The following RNLS variants were observed in gnomAD, a reference collection of about 807,000 sequenced individuals.
RNLS encodes the protein renalase, FAD dependent amine oxidase.
A neutral mutation model predicts 39.8 loss-of-function variants in RNLS; 39 were observed. That is an observed-to-expected ratio of 0.98 (90% CI 0.76 to 1.28). RNLS has a LOEUF of 1.28. Ranked by LOEUF, RNLS falls within the 50% of genes most tolerant of loss-of-function variation. The pLI, the probability that RNLS is intolerant of heterozygous loss-of-function variation, is 0.00. For synonymous variants in RNLS, 147 were observed against 150.7 expected (o/e 0.98, Z 0.18); for missense variants, 410 against 413.3 (o/e 0.99, Z 0.07).
At chr10:88,384,617 T>C (rs1851754096) in intron 4 of RNLS, among the ~76,000 whole-genome samples, 1 of 152,216 alleles carries the variant, frequency 6.6e-6, no homozygotes, top group African/African-American at 2.4e-5. Flanking sequence ...GATTAATTAC[T>C]ATATAGAAAG....
At chr10:88,235,899 G>A in the RNLS span, among the ~76,000 whole-genome samples, 4 of 151,486 alleles carry the variant, frequency 2.6e-5, no homozygotes, top group Admixed American at 6.6e-5. Context: ...TGGTGCTATC[G>A]CTGCTTACTC....
chr10:88,480,787 TTGTGTGTGTG>T (rs60584908), intron 4 of RNLS, among the ~76,000 whole-genome samples: 2 of 147,540 alleles, frequency 1.4e-5, no homozygotes, highest in African/African-American at 2.5e-5. Context: ...TCCTGTGTCT[TTGTGTGTGTG>T]TGTGTGTGTG....
At chr10:88,453,462 A>G (rs1842463375) in intron 4 of RNLS, among the ~76,000 whole-genome samples, 1 of 152,180 alleles carries the variant, frequency 6.6e-6, no homozygotes, top group African/African-American at 2.4e-5. Context: ...GGATCATCAG[A>G]GACTTTGTTG....
intron 4 of RNLS, among the ~76,000 whole-genome samples, chr10:88,499,333 TAA>T (rs1845340485): frequency 6.6e-6 from 1 of 152,152 alleles, no homozygotes; most frequent in African/African-American, 2.4e-5. Flanking sequence ...TAGAAGGCTT[TAA>T]AGCAGAATTT....
At chr10:88,572,738 T>C (rs1308126729) in intron 4 of RNLS, among the ~76,000 whole-genome samples, 165 bp downstream of exon 4, 3 of 152,260 alleles carry the variant, frequency 2.0e-5, no homozygotes, top group Non-Finnish European at 2.9e-5. Flanking sequence ...GGTTTCACCT[T>C]GGCCTAGATT....
intron 4 of RNLS, among the ~76,000 whole-genome samples, chr10:88,403,105 C>T (rs1015634022): frequency 6.6e-6 from 1 of 151,782 alleles, no homozygotes; most frequent in Non-Finnish European, 1.5e-5. Flanking sequence ...AAATGCAGAC[C>T]ACAGAAACCA....
At chr10:88,334,609 C>A (rs981904044) in intron 5 of RNLS, among the ~76,000 whole-genome samples, 1 of 152,200 alleles carries the variant, frequency 6.6e-6, no homozygotes, top group Non-Finnish European at 1.5e-5. Context: ...AAGTGCTCTC[C>A]ACACTTACAG....
intron 4 of RNLS, among the ~76,000 whole-genome samples, chr10:88,434,882 A>C (rs1304741794): frequency 6.6e-6 from 1 of 152,066 alleles, no homozygotes; most frequent in African/African-American, 2.4e-5. Flanking sequence ...CTTGAGTGAT[A>C]GAAAAGGTAT....
At chr10:88,227,300 CT>C in the RNLS span, among the ~76,000 whole-genome samples, 1 of 152,182 alleles carries the variant, frequency 6.6e-6, no homozygotes. Context: ...CAAGCATTCA[CT>C]TTGTAGAAAC....
intron 4 of RNLS, among the ~76,000 whole-genome samples, chr10:88,509,460 GAGAGA>G (rs1357108011): frequency 7.1e-6 from 1 of 140,204 alleles, no homozygotes; most frequent in Non-Finnish European, 1.5e-5. Flanking sequence ...GAAAAAAAAG[GAGAGA>G]AGAGGAGAGG....
intron 6 of RNLS, among the ~76,000 whole-genome samples, chr10:88,292,907 T>C (rs1021336388): frequency 3.3e-5 from 5 of 151,504 alleles, no homozygotes; most frequent in African/African-American, 1.2e-4. Flanking sequence ...AAAAATTAGC[T>C]GGGCGTGGTG....
intron 4 of RNLS, among the ~76,000 whole-genome samples, chr10:88,571,505 G>A (rs1319212261): frequency 3.3e-5 from 5 of 152,130 alleles, no homozygotes; most frequent in Non-Finnish European, 4.4e-5. Context: ...GCTAAAAGAT[G>A]AGACCACATG....
chr10:88,454,452 A>G (rs981155655), intron 4 of RNLS, among the ~76,000 whole-genome samples: 6 of 152,206 alleles, frequency 3.9e-5, no homozygotes, highest in Non-Finnish European at 8.8e-5. Context: ...ATGTTCTCAC[A>G]TCCCATTTTA....
At chr10:88,373,294 T>C (rs1850714489) in intron 4 of RNLS, among the ~76,000 whole-genome samples, 1 of 152,148 alleles carries the variant, frequency 6.6e-6, no homozygotes, top group Non-Finnish European at 1.5e-5. Flanking sequence ...ATCTGTGGTA[T>C]TGAAGCAAAA....
intron 4 of RNLS, among the ~76,000 whole-genome samples, chr10:88,464,975 T>G (rs1203961283): frequency 6.6e-6 from 1 of 152,076 alleles, no homozygotes; most frequent in African/African-American, 2.4e-5. Context: ...AATGGCTGGG[T>G]TCAAACCACT....
At position 88,581,550 on chromosome 10, in the gene RNLS, G is replaced by A. The variant is rs778930847; in HGVS notation, c.367+17C>T. On this transcript the variant is annotated intron_variant, in intron 3 of 6. Transcript: ENST00000331772. ...ATGCTAATTTTAAAATTTAGGCAGA[G>A]AAAATCTTACTCCCACCTGATTCTT... The A allele has an allele frequency of 7.6e-6, 12 of 1,578,806 alleles. No homozygotes were observed. In the African/African-American group the frequency reaches 1.4e-4, roughly 18 times the overall value.
downstream of RNLS, among the ~76,000 whole-genome samples, chr10:88,272,892 C>T (rs981674455): frequency 4.6e-5 from 7 of 152,100 alleles, no homozygotes; most frequent in African/African-American, 1.7e-4. Flanking sequence ...TTTAGAATTC[C>T]TTGGGGAAGT....
intron 4 of RNLS, among the ~76,000 whole-genome samples, chr10:88,370,960 TAG>T (rs1850514593): frequency 6.6e-6 from 1 of 152,152 alleles, no homozygotes. Context: ...GCAATAAATC[TAG>T]AGTTTATTGG....
rs377248573 is a variant in RNLS at position 88,575,196 on chromosome 10, C to CTA, written c.368-2137_368-2136dup. ...CACACACACATATTATATATATATA[C>CTA]TATATATATATGTGTGTGTATATAT... On this transcript the variant is annotated intron_variant, in intron 3 of 6. Transcript: ENST00000331772. Among the ~76,000 whole-genome samples the CTA allele has an allele frequency of 5.4e-5, 6 of 110,800 alleles. No homozygotes were observed. The East Asian group carries it at 7.0e-4, about 13-fold the overall frequency. 72.7% of individuals were successfully genotyped at this position (110,800 alleles called of 152,430 possible). A position where few individuals can be genotyped will look rare whatever the true frequency, so the allele number is the denominator to read the frequency against.
Sources: allele counts gnomAD v4.1 joint callset (sites outside exome capture counted in the v4.1 genomes callset), GRCh38; gene constraint gnomAD v4.1.1; transcripts MANE v1.5; gene names NCBI Gene and HGNC (gene_info 2026-07-23, HGNC 2026-07-21).